Variants in TENM3 observed in about 807,000 individuals in gnomAD.
The protein encoded by TENM3 is teneurin transmembrane protein 3, also known as teneurin-3.
TENM3 carries 63 observed loss-of-function variants against 255.1 expected under a neutral mutation model. The observed-to-expected ratio is 0.25, with a 90% CI of 0.20 to 0.30. TENM3 has a LOEUF of 0.30. Among genes scored for constraint, TENM3 ranks in the 10% least tolerant of loss-of-function variants. The pLI is 1.00. For synonymous variants in TENM3, 1,306 were observed against 1,322.3 expected (o/e 0.99, Z 0.27); for missense variants, 2,929 against 3,461.1 (o/e 0.85, Z 3.86).
chr4:181,574,748 G>A, the TENM3 span, among the ~76,000 whole-genome samples: 1 of 152,094 alleles, frequency 6.6e-6, no homozygotes, highest in Non-Finnish European at 1.5e-5. Flanking sequence ...AGAAGCCGTA[G>A]GAACTTAGAA....
the TENM3 span, among the ~76,000 whole-genome samples, chr4:181,985,151 G>A: frequency 1.2e-4 from 18 of 151,150 alleles, 1 homozygote; most frequent in Admixed American, 2.6e-4. Context: ...TTGCTGCTTC[G>A]AAAAATTTCA....
chr4:182,422,761 C>T (rs1031106621), intron 3 of TENM3, among the ~76,000 whole-genome samples: 2 of 152,186 alleles, frequency 1.3e-5, no homozygotes, highest in Non-Finnish European at 2.9e-5. Flanking sequence ...ACAGTTTTCA[C>T]AGCTTTACTT....
chr4:181,963,875 A>G, the TENM3 span, among the ~76,000 whole-genome samples: 2 of 152,168 alleles, frequency 1.3e-5, no homozygotes, highest in African/African-American at 4.8e-5. Context: ...AATTTGGGGT[A>G]GTTAACACTA....
the TENM3 span, among the ~76,000 whole-genome samples, chr4:181,706,473 T>G: frequency 6.6e-6 from 1 of 152,170 alleles, no homozygotes; most frequent in Non-Finnish European, 1.5e-5. Flanking sequence ...TTTCATAATA[T>G]TAGTCAGAGA....
intron 1 of TENM3, among the ~76,000 whole-genome samples, chr4:182,272,645 T>C (rs1435690134): frequency 6.6e-6 from 1 of 152,208 alleles, no homozygotes; most frequent in East Asian, 1.9e-4. Flanking sequence ...TGGTTACTAG[T>C]CATAATGATA....
chr4:182,359,116 T>C (rs1041213335), intron 3 of TENM3, among the ~76,000 whole-genome samples: 3 of 151,976 alleles, frequency 2.0e-5, no homozygotes, highest in African/African-American at 4.8e-5. Context: ...CTGGATTCGG[T>C]TTGCCGGTAT....
At chr4:182,239,107 C>T (rs1000900140), upstream of TENM3, among the ~76,000 whole-genome samples, 37 of 150,380 alleles carry the variant, frequency 2.5e-4, no homozygotes, top group African/African-American at 8.8e-4. Context: ...GACGGCGTCT[C>T]GCTGTGTCTC....
the TENM3 span, among the ~76,000 whole-genome samples, chr4:181,750,226 G>A: frequency 6.6e-6 from 1 of 152,138 alleles, no homozygotes; most frequent in East Asian, 1.9e-4. Flanking sequence ...TCATGGTTGG[G>A]GGGTAGAAGA....
At chr4:181,802,679 C>T in the TENM3 span, among the ~76,000 whole-genome samples, 115 of 152,066 alleles carry the variant, frequency 7.6e-4, no homozygotes, top group Middle Eastern at 0.01. Flanking sequence ...TGATTTTTTT[C>T]GTCTTTCAAA....
the TENM3 span, among the ~76,000 whole-genome samples, chr4:182,097,980 G>GA: frequency 8.0e-3 from 1,208 of 150,716 alleles, 9 homozygotes; most frequent in South Asian, 0.021. Context: ...AACTTAGTAG[G>GA]AAAAAAAAAT....
the TENM3 span, among the ~76,000 whole-genome samples, chr4:181,540,986 C>A: frequency 6.6e-6 from 1 of 152,210 alleles, no homozygotes; most frequent in Non-Finnish European, 1.5e-5. Context: ...TGTGCAATAA[C>A]TCTGTAAATC....
the TENM3 span, among the ~76,000 whole-genome samples, chr4:181,882,315 C>G: frequency 6.6e-6 from 1 of 152,132 alleles, no homozygotes; most frequent in Non-Finnish European, 1.5e-5. Flanking sequence ...GACGTTTGTT[C>G]CTCATCACTT....
rs1404034366 is a variant in TENM3, at chr4:182,161,750, T to C, written c.-76+16996T>C. Among the ~76,000 whole-genome samples the C allele has an allele frequency of 2.1e-4, 16 of 76,466 alleles. 7 individuals are homozygous for C. Among genetic ancestry groups the C allele is most frequent in the Admixed American group, 1.3e-3 (8 of 6,150 alleles). 50.2% of individuals were successfully genotyped at this position (76,466 alleles called of 152,430 possible). A position where few individuals can be genotyped will look rare whatever the true frequency, so the allele number is the denominator to read the frequency against. ...ATATATATACACAAATATATGTGTA[T>C]ATATATACATATATATGTGTATATA... On this transcript the variant is annotated intron_variant, in intron 1 of 2. Coordinates refer to the TENM3 transcript ENST00000512480.
intron 5 of TENM3, among the ~76,000 whole-genome samples, chr4:182,650,925 A>ATATATAT (rs1561056446): frequency 0.022 from 414 of 18,494 alleles, no homozygotes; most frequent in Non-Finnish European, 0.025. Flanking sequence ...TATATATATA[A>ATATATAT]AACAAAGCTG....
chr4:182,719,502 G>A (rs995035830), intron 13 of TENM3, among the ~76,000 whole-genome samples: 4 of 151,608 alleles, frequency 2.6e-5, no homozygotes, highest in Admixed American at 6.6e-5. Flanking sequence ...CTTGTGATCC[G>A]CCCCCCTCGG....
At chr4:182,718,134 T>C (rs1759358563) in intron 13 of TENM3, among the ~76,000 whole-genome samples, 1 of 152,038 alleles carries the variant, frequency 6.6e-6, no homozygotes, top group South Asian at 2.1e-4. Context: ...GGAAAGACCC[T>C]GGTCTCACAT....
At chr4:182,574,358 G>A (rs1331627487) in intron 3 of TENM3, among the ~76,000 whole-genome samples, 1 of 152,098 alleles carries the variant, frequency 6.6e-6, no homozygotes. Flanking sequence ...ATACTCATAG[G>A]AAGGGCTTAC....
At chr4:181,868,471 C>T in the TENM3 span, among the ~76,000 whole-genome samples, 2 of 152,106 alleles carry the variant, frequency 1.3e-5, no homozygotes, top group Non-Finnish European at 1.5e-5. Context: ...AACTAATTGG[C>T]ATTATCTCAC....
chr4:182,639,648 G>T (rs1752126575), intron 5 of TENM3, among the ~76,000 whole-genome samples: 1 of 152,094 alleles, frequency 6.6e-6, no homozygotes, highest in African/African-American at 2.4e-5. Flanking sequence ...GATAGAACAT[G>T]AACTGAAGAA....
Sources: gnomAD v4.1 joint callset for allele counts (sites outside exome capture counted in the v4.1 genomes callset) on GRCh38, gnomAD v4.1.1 for gene constraint, MANE v1.5 for transcripts, NCBI Gene and HGNC (gene_info 2026-07-23, HGNC 2026-07-21) for gene names.